NR3C2: variants seen among roughly 807,000 people sequenced by gnomAD.
NR3C2 encodes nuclear receptor subfamily 3 group C member 2.
Under a neutral mutation model 86.4 loss-of-function variants are expected in NR3C2, and 15 were observed. The observed-to-expected ratio is 0.17, with a 90% CI of 0.12 to 0.27. The LOEUF is 0.27. Among genes scored for constraint, NR3C2 ranks in the 10% least tolerant of loss-of-function variants. The pLI is 1.00. For missense variants in NR3C2, 960 were observed against 1,195.6 expected (o/e 0.80, Z 2.91); for synonymous variants, 458 against 450.5 (o/e 1.02, Z -0.21).
intron 4 of NR3C2, among the ~76,000 whole-genome samples, chr4:148,180,207 G>C (rs1250832231): frequency 6.6e-6 from 1 of 151,764 alleles, no homozygotes; most frequent in East Asian, 1.9e-4. Flanking sequence ...AGGTGACCAT[G>C]CCAACTAGTT....
At chr4:148,304,849 G>A (rs1427448073) in intron 2 of NR3C2, among the ~76,000 whole-genome samples, 2 of 151,768 alleles carry the variant, frequency 1.3e-5, no homozygotes, top group Non-Finnish European at 2.9e-5. Flanking sequence ...CTCCTGTGTG[G>A]TGGCCTGGTA....
Position 148,134,643 on chromosome 4 carries a change from C to CT in NR3C2, c.2511-14356dup, listed in dbSNP as rs1175816621. On this transcript the variant is annotated intron_variant, in intron 6 of 8. Transcript: ENST00000358102. ...CCTGTGATTCTCTCTCTCTCTCTCT[C>CT]TTTTTTTTTTTTTTTTTTTTTTTTA... Among the ~76,000 whole-genome samples, 156 of 40,804 alleles carry CT rather than the reference C, an allele frequency of 3.8e-3. 10 individuals are homozygous for CT. The highest frequency in any genetic ancestry group is 0.02 in the South Asian group (18 of 890). The allele number at this position is 40,804 out of a possible 152,430, so 26.8% of individuals were successfully genotyped here. A position where few individuals can be genotyped will look rare whatever the true frequency, so the allele number is the denominator to read the frequency against.
chr4:148,178,195 G>A (rs922706191), intron 4 of NR3C2, among the ~76,000 whole-genome samples: 1 of 151,868 alleles, frequency 6.6e-6, no homozygotes, highest in Non-Finnish European at 1.5e-5. Flanking sequence ...GCTGGGTGTG[G>A]CGGAGCACGC....
chr4:148,413,861 C>G (rs965778724), intron 2 of NR3C2, among the ~76,000 whole-genome samples: 1 of 152,034 alleles, frequency 6.6e-6, no homozygotes, highest in Admixed American at 6.5e-5. Flanking sequence ...TAAACTAGTA[C>G]AAACATACTG....
rs778021419 is a variant in NR3C2, at chr4:148,194,720, T to C, written c.2014+26A>G. On this transcript the variant is annotated intron_variant, in intron 4 of 8. Coordinates refer to ENST00000358102, the MANE Select transcript of NR3C2 (RefSeq NM_000901.5). ...TGTTGCATTACCTATTAACAATTTT[T>C]ATTAAACTAAAAATACAAAACTTAC... 2.6e-6 allele frequency: 4 copies of C among 1,510,844 alleles called. No individual in the cohort carries two copies. The South Asian group carries it at 4.5e-5, about 17-fold the overall frequency. The allele number at this position is 1,510,844 out of a possible 1,614,324, so 93.6% of individuals were successfully genotyped here.
intron 6 of NR3C2, among the ~76,000 whole-genome samples, chr4:148,137,529 T>C (rs1321996873): frequency 1.3e-5 from 2 of 152,204 alleles, no homozygotes; most frequent in East Asian, 1.9e-4. Context: ...CTATGTTCTA[T>C]CTAGCTTTGA....
At chr4:148,188,079 T>A (rs529001993) in intron 4 of NR3C2, among the ~76,000 whole-genome samples, 65 of 152,258 alleles carry the variant, frequency 4.3e-4, no homozygotes, top group Non-Finnish European at 8.2e-4. Context: ...TCTATGTACC[T>A]ATTTTTATAC....
chr4:148,320,568 T>G (rs1271195904), intron 2 of NR3C2, among the ~76,000 whole-genome samples: 5 of 148,258 alleles, frequency 3.4e-5, no homozygotes, highest in Middle Eastern at 3.4e-3. Flanking sequence ...GTTATTGGTC[T>G]ATTCAGAGAT....
At chr4:148,391,051 A>G (rs1747522030) in intron 2 of NR3C2, among the ~76,000 whole-genome samples, 2 of 152,246 alleles carry the variant, frequency 1.3e-5, no homozygotes, top group African/African-American at 2.4e-5. Flanking sequence ...TAAATTATAT[A>G]CCATTATATT....
chr4:148,411,850 C>T (rs114544738), intron 2 of NR3C2, among the ~76,000 whole-genome samples: 1,967 of 152,288 alleles, frequency 0.013, 45 homozygotes, highest in African/African-American at 0.044. Flanking sequence ...GCAACACATA[C>T]CAAGATGAAG....
intron 4 of NR3C2, among the ~76,000 whole-genome samples, chr4:148,184,365 A>C (rs1440477954): frequency 6.6e-6 from 1 of 151,764 alleles, no homozygotes; most frequent in East Asian, 1.9e-4. Flanking sequence ...AGGCTGAGGC[A>C]GGAGAATCGC....
chr4:148,184,049 C>G (rs1735765953), intron 4 of NR3C2, among the ~76,000 whole-genome samples: 1 of 151,976 alleles, frequency 6.6e-6, no homozygotes, highest in African/African-American at 2.4e-5. Context: ...CAGGACAGTC[C>G]TCTACAACAA....
Position 148,080,872 on chromosome 4 carries a change from T to TTA in NR3C2, c.*471_*472insTA, listed in dbSNP as rs2149701203. ...CAACAGGAATCTGTATATATTTTTT[T>TTA]ATTATTTTTTTGTGTTTTTTTAATA... On this transcript the variant is annotated 3_prime_UTR_variant, in exon 9 of 9. Transcript: ENST00000358102. 2.8e-6 allele frequency: 1 copy of TTA among 353,810 alleles called. No individual in the cohort carries two copies. The highest frequency in any genetic ancestry group is 2.1e-5 in the South Asian group (1 of 47,154). The allele number at this position is 353,810 out of a possible 1,614,324, so 21.9% of individuals were successfully genotyped here. A position where few individuals can be genotyped will look rare whatever the true frequency, so the allele number is the denominator to read the frequency against.
chr4:148,182,097 T>C (rs183012693), intron 4 of NR3C2, among the ~76,000 whole-genome samples: 35 of 152,348 alleles, frequency 2.3e-4, no homozygotes, highest in Admixed American at 7.2e-4. Context: ...AGTATTACGC[T>C]ATGTTGCCAT....
intron 2 of NR3C2, among the ~76,000 whole-genome samples, chr4:148,358,007 G>A (rs954801107): frequency 2.6e-5 from 4 of 152,084 alleles, no homozygotes; most frequent in East Asian, 1.9e-4. Flanking sequence ...TGTTCCTAAC[G>A]CAAGGTAAAT....
intron 3 of NR3C2, among the ~76,000 whole-genome samples, chr4:148,228,759 A>G (rs1738309892): frequency 6.6e-6 from 1 of 152,216 alleles, no homozygotes; most frequent in South Asian, 2.1e-4. Context: ...AAATTTGAGT[A>G]TCTATTGTTT....
At chr4:148,262,904 T>G (rs1740195982) in intron 2 of NR3C2, among the ~76,000 whole-genome samples, 1 of 152,124 alleles carries the variant, frequency 6.6e-6, no homozygotes, top group Non-Finnish European at 1.5e-5. Context: ...ACAGAACATA[T>G]TCAGATTCTG....
At chr4:148,367,932 A>G (rs1228836999) in intron 2 of NR3C2, among the ~76,000 whole-genome samples, 1 of 150,944 alleles carries the variant, frequency 6.6e-6, no homozygotes, top group East Asian at 1.9e-4. Flanking sequence ...TTTCACCCAG[A>G]GAGGCACCAG....
intron 2 of NR3C2, among the ~76,000 whole-genome samples, chr4:148,366,480 T>TTTAAAAAAGAATA: frequency 1.0e-4 from 2 of 19,368 alleles, no homozygotes; most frequent in South Asian, 2.0e-3. Flanking sequence ...TAAAAAGTAC[T>TTTAAAAAAGAATA]CAGCACTTTT....
Sources: gnomAD v4.1 joint callset for allele counts (sites outside exome capture counted in the v4.1 genomes callset) on GRCh38, gnomAD v4.1.1 for gene constraint, MANE v1.5 for transcripts, NCBI Gene and HGNC (gene_info 2026-07-23, HGNC 2026-07-21) for gene names.